Variants in ZC3H12B observed in about 807,000 individuals in gnomAD.
ZC3H12B encodes the protein probable ribonuclease ZC3H12B.
Under a neutral mutation model 43.9 loss-of-function variants are expected in ZC3H12B, and 7 were observed. The ratio of observed to expected loss-of-function variants is 0.16; its 90% CI spans 0.09 to 0.30. The LOEUF is 0.30. Among genes scored for constraint, ZC3H12B ranks in the 10% least tolerant of loss-of-function variants. The pLI is 1.00. For synonymous variants in ZC3H12B, 222 were observed against 241.7 expected (o/e 0.92, Z 0.76); for missense variants, 475 against 670.2 (o/e 0.71, Z 3.22).
intron 3 of ZC3H12B, among the ~76,000 whole-genome samples, chrX:65,467,279 T>TTTA (rs1175400616): frequency 9.1e-6 from 1 of 110,066 alleles, no homozygotes; most frequent in Non-Finnish European, 1.9e-5. Flanking sequence ...AAGACATTAT[T>TTTA]TTATTATTCT....
the ZC3H12B span, among the ~76,000 whole-genome samples, chrX:65,156,884 A>C: frequency 8.9e-6 from 1 of 112,007 alleles, no homozygotes; most frequent in Non-Finnish European, 1.9e-5. Context: ...TAACATTTTT[A>C]GCACATCATC....
At chrX:65,373,941 ATATAGT>A (rs1302180656) in intron 2 of ZC3H12B, among the ~76,000 whole-genome samples, 1 of 46,647 alleles carries the variant, frequency 2.1e-5, no homozygotes, top group African/African-American at 3.4e-4. Context: ...TAGTATATAT[ATATAGT>A]TATATATATA....
In ZC3H12B at chrX:65,434,965, C is replaced by G. The variant is rs550252084; in HGVS notation, n.407+36261C>G. On this transcript the variant is annotated intron_variant and non_coding_transcript_variant, in intron 3 of 5. Transcript: ENST00000617377. ...AAAAGGGCTTATCAGAATGTAGAAG[C>G]TGTGCCCCAGCTTTATCTTCTCACA... Among the ~76,000 whole-genome samples, 10 of 111,776 alleles carry G rather than the reference C, an allele frequency of 8.9e-5. No individual in the cohort carries two copies. The South Asian group carries it at 3.0e-3, about 33-fold the overall frequency.
chrX:65,070,330 T>G, the ZC3H12B span, among the ~76,000 whole-genome samples: 1 of 111,044 alleles, frequency 9.0e-6, no homozygotes, highest in African/African-American at 3.3e-5. Context: ...GGATCTTCTT[T>G]CTTTTTTTCT....
chrX:65,144,611 TATG>T, the ZC3H12B span, among the ~76,000 whole-genome samples: 1 of 111,882 alleles, frequency 8.9e-6, no homozygotes, highest in African/African-American at 3.3e-5. Context: ...TGTTCTGGGC[TATG>T]AACTTTTCTC....
At chrX:65,243,662 C>G in the ZC3H12B span, among the ~76,000 whole-genome samples, 1 of 112,192 alleles carries the variant, frequency 8.9e-6, no homozygotes. Context: ...CAAGAGATAT[C>G]TGCACTTCTA....
intron 3 of ZC3H12B, among the ~76,000 whole-genome samples, chrX:65,431,784 C>A (rs2067164652): frequency 8.9e-6 from 1 of 112,074 alleles, no homozygotes; most frequent in Non-Finnish European, 1.9e-5. Flanking sequence ...TTGACTATAG[C>A]CCATGAATTG....
intron 2 of ZC3H12B, 133 bp downstream of exon 7, chrX:65,497,404 T>C: frequency 1.6e-6 from 1 of 613,592 alleles, no homozygotes; most frequent in Admixed American, 5.0e-5. Context: ...TAAGCATATA[T>C]TTGAAAAAAG....
At chrX:65,368,919 G>T (rs745738143) in exon 2 of ZC3H12B, 19 of 112,038 alleles carry the variant, frequency 1.7e-4, no homozygotes, top group African/African-American at 6.2e-4. Context: ...AAATACAGAC[G>T]TGGACTACAG....
chrX:65,141,965 A>T, the ZC3H12B span, among the ~76,000 whole-genome samples: 9 of 112,328 alleles, frequency 8.0e-5, no homozygotes, highest in African/African-American at 2.6e-4. Context: ...TTGTGCTGCT[A>T]TAAACATGCA....
At chrX:65,315,947 A>G in the ZC3H12B span, among the ~76,000 whole-genome samples, 1 of 111,839 alleles carries the variant, frequency 8.9e-6, no homozygotes. Context: ...AGGAGCTGAA[A>G]AATGGTATGG....
chrX:65,408,445 C>T (rs2066863416), intron 3 of ZC3H12B: 34 of 1,210,068 alleles, frequency 2.8e-5, no homozygotes, highest in Non-Finnish European at 3.7e-5. Context: ...AGTTGAATGC[C>T]ATCATCGGGC....
chrX:65,190,859 G>A, the ZC3H12B span, among the ~76,000 whole-genome samples: 1 of 105,977 alleles, frequency 9.4e-6, no homozygotes, highest in Non-Finnish European at 1.9e-5. Context: ...GTGAGAGAGG[G>A]CACCCCTGTC....
the ZC3H12B span, among the ~76,000 whole-genome samples, chrX:65,067,501 A>G: frequency 9.1e-6 from 1 of 109,399 alleles, no homozygotes; most frequent in Non-Finnish European, 1.9e-5. Context: ...AGTGAGATGA[A>G]CCGTGTACCT....
At chrX:65,393,193 C>T (rs2066650198) in intron 2 of ZC3H12B, among the ~76,000 whole-genome samples, 1 of 111,069 alleles carries the variant, frequency 9.0e-6, no homozygotes, top group African/African-American at 3.3e-5. Context: ...CACTATTGTC[C>T]TATGACCCTG....
At chrX:65,151,920 G>A in the ZC3H12B span, among the ~76,000 whole-genome samples, 2 of 111,748 alleles carry the variant, frequency 1.8e-5, no homozygotes, top group African/African-American at 6.5e-5. Context: ...GGCAAGGCTG[G>A]TTCAATATAC....
chrX:65,083,419 A>T, the ZC3H12B span, among the ~76,000 whole-genome samples: 1 of 112,259 alleles, frequency 8.9e-6, no homozygotes, highest in Admixed American at 9.4e-5. Flanking sequence ...GTTGCAGGAT[A>T]GAAAATCGAC....
the ZC3H12B span, among the ~76,000 whole-genome samples, chrX:65,105,530 C>T: frequency 1.8e-5 from 2 of 111,234 alleles, no homozygotes; most frequent in Non-Finnish European, 3.8e-5. Flanking sequence ...TTCCCATGGC[C>T]CAGGACTGAG....
At chrX:65,149,233 T>G in the ZC3H12B span, among the ~76,000 whole-genome samples, 1 of 111,428 alleles carries the variant, frequency 9.0e-6, no homozygotes, top group Non-Finnish European at 1.9e-5. Flanking sequence ...CCACATAATC[T>G]CCAGTCCTGT....
Sources: allele counts gnomAD v4.1 joint callset (sites outside exome capture counted in the v4.1 genomes callset), GRCh38; gene constraint gnomAD v4.1.1; transcripts MANE v1.5; gene names NCBI Gene and HGNC (gene_info 2026-07-23, HGNC 2026-07-21).